Variants in LRFN5 observed in about 807,000 individuals in gnomAD.
LRFN5 encodes the protein leucine-rich repeat and fibronectin type-III domain-containing protein 5.
Under a neutral mutation model 45.6 loss-of-function variants are expected in LRFN5, and 24 were observed. The observed-to-expected ratio is 0.53, with a 90% CI of 0.38 to 0.74. LRFN5 has a LOEUF of 0.74. Ranked by LOEUF, LRFN5 falls within the 30% of genes least tolerant of loss-of-function variation. LRFN5 has a pLI of 0.00. For missense variants in LRFN5, 776 were observed against 861.5 expected, an observed-to-expected ratio of 0.90 and a Z score of 1.24; for synonymous variants, 340 against 313.8, an observed-to-expected ratio of 1.08 and a Z score of -0.88.
chr14:41,675,309 C>T (rs1275609407), intron 1 of LRFN5, among the ~76,000 whole-genome samples: 3 of 152,218 alleles, frequency 2.0e-5, no homozygotes, highest in Non-Finnish European at 4.4e-5. Flanking sequence ...CCAGTCTGGG[C>T]ACCATTGAGC....
chr14:41,664,262 C>T (rs1047319910), intron 1 of LRFN5, among the ~76,000 whole-genome samples: 21 of 151,932 alleles, frequency 1.4e-4, no homozygotes, highest in African/African-American at 5.1e-4. Flanking sequence ...CTAATAAAAT[C>T]ATATTTAAAA....
chr14:41,672,133 G>C (rs990571739), intron 1 of LRFN5, among the ~76,000 whole-genome samples: 1 of 152,054 alleles, frequency 6.6e-6, no homozygotes, highest in African/African-American at 2.4e-5. Context: ...TTTTTAAATT[G>C]GAATAATAAG....
At chr14:41,638,789 A>G (rs1191264137) in intron 1 of LRFN5, among the ~76,000 whole-genome samples, 1 of 152,124 alleles carries the variant, frequency 6.6e-6, no homozygotes. Flanking sequence ...ATTAATTTTT[A>G]TAAAGCATAG....
intron 2 of LRFN5, among the ~76,000 whole-genome samples, chr14:41,798,236 G>A (rs1011512049): frequency 3.3e-5 from 5 of 151,756 alleles, no homozygotes; most frequent in African/African-American, 1.2e-4. Context: ...AAAATTTGGG[G>A]GAGTAAATCT....
At chr14:41,821,026 T>A (rs1888094467) in intron 2 of LRFN5, among the ~76,000 whole-genome samples, 1 of 152,006 alleles carries the variant, frequency 6.6e-6, no homozygotes, top group Non-Finnish European at 1.5e-5. Context: ...ATCTTCAGGG[T>A]TTTCAAGGTA....
chr14:41,650,630 T>G (rs918590673), intron 1 of LRFN5, among the ~76,000 whole-genome samples: 1 of 152,102 alleles, frequency 6.6e-6, no homozygotes, highest in African/African-American at 2.4e-5. Flanking sequence ...TTGAATAATC[T>G]CTTTTAAGGA....
At chr14:41,899,335 C>T (rs1288028828) in intron 5 of LRFN5, among the ~76,000 whole-genome samples, 2 of 152,080 alleles carry the variant, frequency 1.3e-5, no homozygotes, top group African/African-American at 4.8e-5. Context: ...TCCTTGACCT[C>T]CACATCCTAA....
chr14:41,712,063 C>T (rs773056646), intron 1 of LRFN5, among the ~76,000 whole-genome samples: 6 of 151,956 alleles, frequency 3.9e-5, no homozygotes, highest in African/African-American at 9.7e-5. Context: ...TTGAAGTTGA[C>T]GAGAACGGAA....
chr14:41,761,223 T>A (rs1009508935), intron 1 of LRFN5, among the ~76,000 whole-genome samples: 17 of 150,524 alleles, frequency 1.1e-4, no homozygotes, highest in African/African-American at 3.9e-4. Context: ...AAGGTTTAAG[T>A]ATAAGTTGTT....
intron 1 of LRFN5, among the ~76,000 whole-genome samples, chr14:41,703,351 A>T (rs1019284483): frequency 2.6e-5 from 4 of 152,180 alleles, no homozygotes; most frequent in Non-Finnish European, 5.9e-5. Context: ...TTCTATAAAC[A>T]AACATTGGAC....
chr14:41,837,902 A>G (rs1032950170), intron 2 of LRFN5, among the ~76,000 whole-genome samples: 1 of 152,226 alleles, frequency 6.6e-6, no homozygotes, highest in Non-Finnish European at 1.5e-5. Context: ...TTTCACAAAT[A>G]TACTCATTGT....
chr14:41,691,503 A>T (rs1448316895), intron 1 of LRFN5, among the ~76,000 whole-genome samples: 2 of 152,074 alleles, frequency 1.3e-5, no homozygotes, highest in African/African-American at 4.8e-5. Context: ...AACCTTGCTA[A>T]ACTTCCCATA....
chr14:41,843,086 C>CT (rs539151256), intron 2 of LRFN5, among the ~76,000 whole-genome samples: 4,836 of 118,268 alleles, frequency 0.041, 317 homozygotes, highest in African/African-American at 0.13. Flanking sequence ...TTTGTCTTTT[C>CT]TTTTTTTTTT....
At chr14:41,841,484 T>C (rs1052580813) in intron 2 of LRFN5, among the ~76,000 whole-genome samples, 2 of 151,974 alleles carry the variant, frequency 1.3e-5, no homozygotes, top group Non-Finnish European at 1.5e-5. Context: ...GTTATACCAT[T>C]TTGTGTCTGG....
intron 1 of LRFN5, among the ~76,000 whole-genome samples, chr14:41,675,198 G>A (rs1055777826): frequency 2.6e-5 from 4 of 152,190 alleles, no homozygotes; most frequent in Admixed American, 1.3e-4. Flanking sequence ...TCCCAGACGG[G>A]GTGGCGGCCA....
At chr14:41,729,234 G>A (rs1884064820) in intron 1 of LRFN5, among the ~76,000 whole-genome samples, 2 of 152,096 alleles carry the variant, frequency 1.3e-5, no homozygotes, top group Admixed American at 1.3e-4. Context: ...TTTGGTGATG[G>A]ATAAGTTATT....
rs544089946 is a variant in LRFN5 at position 41,897,325 on chromosome 14, A to C, written c.2099-1592A>C. On this transcript the variant is annotated intron_variant, in intron 4 of 5. Transcript: ENST00000298119. ...ACACAAACAGTGAATATAACAAAAT[A>C]ATCACTGATTTCTCTGGTAAGTGTA... 1.6e-4 allele frequency among the ~76,000 whole-genome samples: 25 copies of C among 151,936 alleles called. 1 individual carries two copies. The East Asian group carries it at 2.5e-3, about 15-fold the overall frequency.
chr14:41,674,147 G>A (rs534545796), intron 1 of LRFN5, among the ~76,000 whole-genome samples: 20 of 139,926 alleles, frequency 1.4e-4, no homozygotes, highest in African/African-American at 3.5e-4. Flanking sequence ...CAGTAGGGGC[G>A]GCCGGGCAGA....
intron 2 of LRFN5, among the ~76,000 whole-genome samples, chr14:41,805,717 G>T (rs774270875): frequency 1.3e-5 from 2 of 151,856 alleles, no homozygotes; most frequent in African/African-American, 4.8e-5. Flanking sequence ...GTAAACTATC[G>T]CAAGAACAAA....
Sources: allele counts gnomAD v4.1 joint callset (sites outside exome capture counted in the v4.1 genomes callset), GRCh38; gene constraint gnomAD v4.1.1; transcripts MANE v1.5; gene names NCBI Gene and HGNC (gene_info 2026-07-23, HGNC 2026-07-21).